Variants in GPHN observed in about 807,000 individuals in gnomAD.
GPHN encodes the protein gephyrin.
In GPHN, 17 loss-of-function variants were observed where a neutral mutation model predicts 95.5. The ratio of observed to expected loss-of-function variants is 0.18; its 90% CI spans 0.12 to 0.27. The LOEUF (loss-of-function observed/expected upper bound fraction) is 0.27, where lower values mean the gene tolerates loss of function less well. GPHN is among the 10% of genes least tolerant of loss of function. GPHN has a pLI of 1.00. For missense variants in GPHN, 660 were observed against 978.1 expected, an observed-to-expected ratio of 0.67 and a Z score of 4.34; for synonymous variants, 320 against 322.5, an observed-to-expected ratio of 0.99 and a Z score of 0.08.
chr14:67,633,491 A>G, the GPHN span, among the ~76,000 whole-genome samples: 3 of 152,194 alleles, frequency 2.0e-5, no homozygotes, highest in African/African-American at 7.2e-5. Context: ...TAACACATCA[A>G]TGTCAACATA....
the GPHN span, among the ~76,000 whole-genome samples, chr14:67,300,336 C>CTTTTTTTTTTTT: frequency 7.2e-6 from 1 of 139,084 alleles, no homozygotes; most frequent in Non-Finnish European, 1.5e-5. Context: ...TATGAATTAC[C>CTTTTTTTTTTTT]TTTTTTTTTT....
the GPHN span, chr14:67,302,609 T>C: frequency 5.1e-6 from 7 of 1,373,362 alleles, no homozygotes; most frequent in Non-Finnish European, 6.7e-6. Context: ...TGATAGCTTT[T>C]AGAAAGCTCT....
At chr14:67,095,814 G>C (rs1485654230) in intron 12 of GPHN, among the ~76,000 whole-genome samples, 2 of 151,546 alleles carry the variant, frequency 1.3e-5, no homozygotes, top group African/African-American at 4.9e-5. Flanking sequence ...AGCATTAGGA[G>C]ATATACCTAA....
chr14:67,198,337 G>C, the GPHN span: 1 of 1,603,742 alleles, frequency 6.2e-7, no homozygotes, highest in Non-Finnish European at 8.5e-7. Flanking sequence ...CATATTCAAG[G>C]CCTGAGTTAA....
At chr14:66,595,039 A>T (rs1241989440) in intron 1 of GPHN, among the ~76,000 whole-genome samples, 1 of 152,228 alleles carries the variant, frequency 6.6e-6, no homozygotes, top group African/African-American at 2.4e-5. Flanking sequence ...CAACAGGTTT[A>T]TGAAAAAGTG....
chr14:67,483,376 A>G, the GPHN span, among the ~76,000 whole-genome samples: 1 of 152,170 alleles, frequency 6.6e-6, no homozygotes, highest in South Asian at 2.1e-4. Flanking sequence ...CTGGTTCCAG[A>G]GTCTTTGCTC....
At chr14:67,461,742 T>C in the GPHN span, among the ~76,000 whole-genome samples, 2 of 152,230 alleles carry the variant, frequency 1.3e-5, no homozygotes, top group East Asian at 3.8e-4. Flanking sequence ...AACAATGAGA[T>C]AGTCCTGCAA....
intron 2 of GPHN, chr14:66,709,292 C>A (rs2069385894): frequency 2.2e-6 from 1 of 455,088 alleles, no homozygotes; most frequent in South Asian, 1.6e-5. Context: ...AGATTGAAAG[C>A]ACCCTGAAAT....
chr14:67,371,644 AAC>A, the GPHN span, among the ~76,000 whole-genome samples: 1 of 152,222 alleles, frequency 6.6e-6, no homozygotes, highest in Non-Finnish European at 1.5e-5. Flanking sequence ...AGGTAGTTGT[AAC>A]ACAATGGTAA....
the GPHN span, chr14:67,650,419 A>G: frequency 7.8e-6 from 3 of 382,512 alleles, 1 homozygote; most frequent in South Asian, 9.6e-5. Context: ...ACCCAACACC[A>G]AGCCTTTTCC....
intron 12 of GPHN, among the ~76,000 whole-genome samples, chr14:67,095,966 C>CAAAAAAAAAAAAAAAAAAAAAAAAAA: frequency 4.5e-5 from 3 of 67,086 alleles, no homozygotes; most frequent in Non-Finnish European, 1.1e-4. Flanking sequence ...AAGAAAAAGG[C>CAAAAAAAAAAAAAAAAAAAAAAAAAA]AAAAAAAAAA....
chr14:67,526,022 G>C, the GPHN span, among the ~76,000 whole-genome samples: 1 of 152,222 alleles, frequency 6.6e-6, no homozygotes, highest in Non-Finnish European at 1.5e-5. Context: ...TGCCTGCTCT[G>C]CTCCATCACC....
chr14:66,949,879 A>G (rs1433774965), intron 8 of GPHN, among the ~76,000 whole-genome samples: 1 of 152,004 alleles, frequency 6.6e-6, no homozygotes, highest in Non-Finnish European at 1.5e-5. Context: ...AAAGGACTGC[A>G]GCATTCAAAA....
intron 9 of GPHN, among the ~76,000 whole-genome samples, chr14:66,990,082 C>T (rs1310502055): frequency 6.6e-6 from 1 of 152,108 alleles, no homozygotes; most frequent in Non-Finnish European, 1.5e-5. Context: ...AACTTACAAT[C>T]ATGGCGGAAG....
intron 1 of GPHN, among the ~76,000 whole-genome samples, chr14:66,516,159 A>G (rs1206006347): frequency 6.7e-6 from 1 of 148,612 alleles, no homozygotes; most frequent in Admixed American, 6.7e-5. Flanking sequence ...GGCGCCTGCC[A>G]CCATGCCTGG....
At chr14:67,378,416 T>G in the GPHN span, among the ~76,000 whole-genome samples, 4 of 151,388 alleles carry the variant, frequency 2.6e-5, no homozygotes, top group African/African-American at 9.7e-5. Context: ...CAACCTGTGG[T>G]ATAAATGCTA....
intron 2 of GPHN, chr14:66,760,824 G>T: frequency 1.8e-6 from 1 of 543,202 alleles, no homozygotes; most frequent in South Asian, 1.5e-5. Context: ...GAGTTGAAGA[G>T]ATCAAGCAGA....
the GPHN span, among the ~76,000 whole-genome samples, chr14:67,518,043 G>T: frequency 2.2e-4 from 33 of 152,326 alleles, no homozygotes; most frequent in Non-Finnish European, 3.7e-4. Flanking sequence ...ATACAGAATT[G>T]TGGGAAGGGG....
At chr14:67,097,067 T>G (rs2153674436) in intron 12 of GPHN, among the ~76,000 whole-genome samples, 1 of 152,362 alleles carries the variant, frequency 6.6e-6, no homozygotes, top group East Asian at 1.9e-4. Flanking sequence ...CAACCATTTT[T>G]GAATACTTAA....
Sources: gnomAD v4.1 joint callset for allele counts (sites outside exome capture counted in the v4.1 genomes callset) on GRCh38, gnomAD v4.1.1 for gene constraint, MANE v1.5 for transcripts, NCBI Gene and HGNC (gene_info 2026-07-23, HGNC 2026-07-21) for gene names.